Variants in PIGL observed in about 807,000 individuals in gnomAD.
PIGL encodes N-acetylglucosaminyl-phosphatidylinositol de-N-acetylase.
In PIGL, 22 loss-of-function variants were observed where a neutral mutation model predicts 31.1. That is an observed-to-expected ratio of 0.71 (90% confidence interval 0.51 to 1.01). The LOEUF (loss-of-function observed/expected upper bound fraction) is 1.01, where lower values mean the gene tolerates loss of function less well. Among genes scored for constraint, PIGL ranks in the 50% least tolerant of loss-of-function variants. The pLI, the probability that PIGL is intolerant of heterozygous loss-of-function variation, is 0.00. For missense variants in PIGL, 302 were observed against 315.9 expected, an observed-to-expected ratio of 0.96 and a Z score of 0.33; for synonymous variants, 131 against 117.4, an observed-to-expected ratio of 1.12 and a Z score of -0.75.
At chr17:16,244,860 T>C (rs2092737783) in intron 2 of PIGL, among the ~76,000 whole-genome samples, 1 of 151,990 alleles carries the variant, frequency 6.6e-6, no homozygotes, top group Non-Finnish European at 1.5e-5. Flanking sequence ...GTAATTATTT[T>C]AGAGACAGGG....
chr17:16,318,004 G>C, intron 6 of PIGL, 96 bp downstream of exon 6: 2 of 1,047,638 alleles, frequency 1.9e-6, no homozygotes. Flanking sequence ...CTAACTGAAG[G>C]TTTTTCACAG....
intron 6 of PIGL, among the ~76,000 whole-genome samples, chr17:16,324,092 G>A (rs2093117297): frequency 1.3e-5 from 2 of 151,678 alleles, no homozygotes; most frequent in Admixed American, 6.6e-5. Context: ...GAGTAGCTGG[G>A]GTTACAGGCG....
intron 1 of PIGL, among the ~76,000 whole-genome samples, chr17:16,224,199 G>A (rs1444680633): frequency 2.0e-5 from 3 of 151,940 alleles, no homozygotes. Context: ...TCTTGCTCTT[G>A]CGACAGAGCA....
At chr17:16,258,102 AAAGAGAGAGAG>A (rs1568802842) in intron 2 of PIGL, among the ~76,000 whole-genome samples, 2 of 110,702 alleles carry the variant, frequency 1.8e-5, no homozygotes, top group Non-Finnish European at 3.7e-5. Flanking sequence ...AGAGAGAGAG[AAAGAGAGAGAG>A]AGAGAGAGAG....
At chr17:16,239,425 G>T (rs2092713645) in intron 2 of PIGL, among the ~76,000 whole-genome samples, 1 of 151,838 alleles carries the variant, frequency 6.6e-6, no homozygotes. Flanking sequence ...GGAGGTTGCA[G>T]TGAGCTGAGA....
chr17:16,317,164 C>T, intron 5 of PIGL: 1 of 1,016,080 alleles, frequency 9.8e-7, no homozygotes, highest in Non-Finnish European at 1.2e-6. Flanking sequence ...CCTCTCTGGA[C>T]CAGTTTCTGG....
At chr17:16,318,875 G>A (rs1216728962) in intron 6 of PIGL, among the ~76,000 whole-genome samples, 1 of 151,680 alleles carries the variant, frequency 6.6e-6, no homozygotes. Context: ...AGGTTGTGGT[G>A]AGCTGAGATC....
At chr17:16,273,534 G>A (rs1449847498) in intron 2 of PIGL, among the ~76,000 whole-genome samples, 1 of 152,184 alleles carries the variant, frequency 6.6e-6, no homozygotes, top group Non-Finnish European at 1.5e-5. Flanking sequence ...AGCTTGGGAA[G>A]GGGGCTCCAG....
intron 2 of PIGL, among the ~76,000 whole-genome samples, chr17:16,272,513 C>T (rs184318986): frequency 1.1e-4 from 17 of 152,346 alleles, no homozygotes; most frequent in Non-Finnish European, 1.9e-4. Context: ...CATTACTGCT[C>T]TACTTCTCTT....
At chr17:16,220,580 C>T (rs2092623846) in intron 1 of PIGL, among the ~76,000 whole-genome samples, 2 of 149,706 alleles carry the variant, frequency 1.3e-5, no homozygotes, top group South Asian at 4.2e-4. Flanking sequence ...CATCTGCCTC[C>T]CAGGTTCAAG....
chr17:16,326,302 AAC>A lies in PIGL; in HGVS notation c.*408_*409del, dbSNP rs1262014903. 5 of 174,956 alleles carry A rather than the reference AAC, an allele frequency of 2.9e-5. No individual in the cohort carries two copies. In the East Asian group the frequency reaches 6.5e-4, roughly 23 times the overall value. The allele number at this position is 174,956 out of a possible 1,614,324, so 10.8% of individuals were successfully genotyped here. ...TTGTTTCCAAAGCAGGTTCACCAAA[AAC>A]ACATACACAAAATGCAACAGTGTGT... On this transcript the variant is annotated 3_prime_UTR_variant, in exon 7 of 7. Coordinates refer to ENST00000225609, the MANE Select transcript of PIGL (RefSeq NM_004278.4).
chr17:16,302,585 C>T (rs2093009395), intron 3 of PIGL, among the ~76,000 whole-genome samples: 1 of 151,998 alleles, frequency 6.6e-6, no homozygotes, highest in East Asian at 1.9e-4. Context: ...CTGTAGGGTA[C>T]TCTTATCTTT....
At chr17:16,268,824 G>A (rs1041565010) in intron 2 of PIGL, among the ~76,000 whole-genome samples, 73 of 150,878 alleles carry the variant, frequency 4.8e-4, no homozygotes, top group Admixed American at 1.3e-4. Flanking sequence ...GTGCAGTGGC[G>A]CAATTTCGGC....
chr17:16,296,250 C>G (rs991984583), intron 2 of PIGL, among the ~76,000 whole-genome samples: 1 of 152,118 alleles, frequency 6.6e-6, no homozygotes, highest in Admixed American at 6.6e-5. Flanking sequence ...GTGGTGCCTA[C>G]CCCACTTTGA....
In PIGL at chr17:16,287,796, G is replaced by C. The variant is rs530892865; in HGVS notation, c.336-12092G>C. 9.5e-4 allele frequency among the ~76,000 whole-genome samples: 144 copies of C among 152,284 alleles called. 1 individual carries two copies. Among genetic ancestry groups the C allele is most frequent in the Non-Finnish European group, 2.4e-4 (16 of 68,038 alleles). ...GTGTTATCTTTAGCATATTTCATAA[G>C]CCACAATTCAGGAAGTTAGAGAAAT... On this transcript the variant is annotated intron_variant, in intron 2 of 6. Coordinates refer to ENST00000225609, the MANE Select transcript of PIGL (RefSeq NM_004278.4).
intron 3 of PIGL, chr17:16,312,928 A>AGGGGG (rs869065594): frequency 3.9e-4 from 10 of 25,342 alleles, no homozygotes; most frequent in African/African-American, 1.3e-3. Flanking sequence ...GGGAGGGGGA[A>AGGGGG]GGGGGGGGGA....
chr17:16,221,450 CT>C (rs36044246), intron 1 of PIGL, among the ~76,000 whole-genome samples: 45,947 of 128,072 alleles, frequency 0.36, 7,146 homozygotes, highest in Middle Eastern at 0.48. Context: ...GCACACCCAA[CT>C]TTTTTTTTTT....
At chr17:16,324,427 C>G (rs2093118793) in intron 6 of PIGL, 1 of 151,126 alleles carries the variant, frequency 6.6e-6, no homozygotes, top group Non-Finnish European at 1.5e-5. Context: ...TAATTGCAAT[C>G]TCCTCTAATT....
chr17:16,316,720 T>C lies in PIGL; in HGVS notation c.526+8T>C. The C allele has an allele frequency of 6.2e-7, 1 of 1,610,264 alleles. No homozygotes were observed. The highest frequency in any genetic ancestry group is 8.5e-7 in the Non-Finnish European group (1 of 1,176,764). On this transcript the variant is annotated splice_region_variant and intron_variant, in intron 5 of 6. Coordinates refer to ENST00000225609, the MANE Select transcript of PIGL (RefSeq NM_004278.4). ...AAGGGAAGTTACCTAAAGGTAAGGC[T>C]TGTTCCTTTTGCAAAGGGCCACAAG...
Sources: allele counts gnomAD v4.1 joint callset (sites outside exome capture counted in the v4.1 genomes callset), GRCh38; gene constraint gnomAD v4.1.1; transcripts MANE v1.5; gene names NCBI Gene and HGNC (gene_info 2026-07-23, HGNC 2026-07-21).